CNOT6: variants seen among roughly 807,000 people sequenced by gnomAD.
CNOT6 encodes carbon catabolite repression 4 protein.
CNOT6 carries 12 observed loss-of-function variants against 61.2 expected under a neutral mutation model. That is an observed-to-expected ratio of 0.20 (90% CI 0.13 to 0.32). CNOT6 has a LOEUF of 0.32. CNOT6 is among the 10% of genes least tolerant of loss of function. The probability of loss-of-function intolerance (pLI) is 1.00; values close to 1 mark genes in which losing one functional copy is unlikely to be tolerated. For synonymous variants in CNOT6, 225 were observed against 240.6 expected, an observed-to-expected ratio of 0.94 and a Z score of 0.60; for missense variants, 405 against 663.9, an observed-to-expected ratio of 0.61 and a Z score of 4.28.
chr5:180,568,037 G>A (rs1311385160), intron 9 of CNOT6, 34 bp downstream of exon 9: 17 of 1,558,440 alleles, frequency 1.1e-5, no homozygotes, highest in Non-Finnish European at 1.3e-5. Flanking sequence ...AAATTGACCA[G>A]CTCTGACTAG....
chr5:180,563,090 C>T (rs1427244739), intron 4 of CNOT6, among the ~76,000 whole-genome samples: 4 of 152,204 alleles, frequency 2.6e-5, no homozygotes, highest in South Asian at 2.1e-4. Flanking sequence ...ATGAACTTTG[C>T]CATTTTTCCC....
chr5:180,501,133 G>A (rs1756850815), intron 1 of CNOT6, among the ~76,000 whole-genome samples: 1 of 152,116 alleles, frequency 6.6e-6, no homozygotes, highest in South Asian at 2.1e-4. Context: ...AGGTGGATAT[G>A]GGTGAGCAAG....
rs543134624 is a variant in CNOT6 at position 180,507,315 on chromosome 5, A to G, written c.-3+12552A>G. Reference sequence around the variant, plus strand: ...ATTGAGATGAACAAGATATAGTTTTAGGGGCCCGGTGTGGTGGCTCACGCC... The same window carrying G: ...ATTGAGATGAACAAGATATAGTTTTGGGGGCCCGGTGTGGTGGCTCACGCC... On this transcript the variant is annotated intron_variant, in intron 1 of 11. Coordinates refer to ENST00000261951, the MANE Select transcript of CNOT6 (RefSeq NM_001370472.1). Among the ~76,000 whole-genome samples the G allele has an allele frequency of 3.9e-5, 6 of 152,244 alleles. No individual in the cohort carries two copies. The East Asian group carries it at 1.2e-3, about 29-fold the overall frequency.
chr5:180,530,573 T>A (rs1758304592), intron 2 of CNOT6, among the ~76,000 whole-genome samples: 1 of 151,726 alleles, frequency 6.6e-6, no homozygotes, highest in South Asian at 2.1e-4. Flanking sequence ...TTTTTTTTTT[T>A]TTTTTTAGTT....
chr5:180,498,491 C>T (rs1381650636), intron 1 of CNOT6, among the ~76,000 whole-genome samples: 1 of 152,022 alleles, frequency 6.6e-6, no homozygotes, highest in African/African-American at 2.4e-5. Context: ...GGAGTCATGT[C>T]AAACAGAAGG....
intron 2 of CNOT6, among the ~76,000 whole-genome samples, chr5:180,549,142 C>A (rs1343382390): frequency 1.3e-5 from 2 of 152,160 alleles, no homozygotes; most frequent in African/African-American, 4.8e-5. Context: ...GCAGTTATCA[C>A]TAGGGTACTC....
chr5:180,530,651 G>GAT (rs1319655071), intron 2 of CNOT6, among the ~76,000 whole-genome samples: 4 of 152,008 alleles, frequency 2.6e-5, no homozygotes, highest in African/African-American at 9.7e-5. Context: ...AATAGTGGAG[G>GAT]GAAGGTCAGC....
chr5:180,495,701 G>A (rs1756581568), intron 1 of CNOT6: 1 of 152,168 alleles, frequency 6.6e-6, no homozygotes, highest in Admixed American at 6.5e-5. Context: ...CTTGTATCTG[G>A]GAATTTAACT....
Position 180,571,193 on chromosome 5 carries a change from A to G in CNOT6, c.1259-37A>G, listed in dbSNP as rs189444413. ...ATGATCTTTTAAAATTACTTTTTGT[A>G]TATATTTGACAATAAAAAAATTTGT... is the stretch of plus-strand genomic sequence containing the variant. On this transcript the variant is annotated intron_variant, in intron 10 of 11. Transcript: ENST00000261951. The G allele has an allele frequency of 2.4e-4, 337 of 1,389,710 alleles. 1 individual carries two copies. The African/African-American group carries it at 4.5e-3, about 18-fold the overall frequency. The allele number at this position is 1,389,710 out of a possible 1,614,324, so 86.1% of individuals were successfully genotyped here.
chr5:180,570,121 G>A (rs990887430), intron 10 of CNOT6, among the ~76,000 whole-genome samples: 2 of 152,146 alleles, frequency 1.3e-5, no homozygotes, highest in African/African-American at 4.8e-5. Flanking sequence ...ACTTTGGGGG[G>A]CCCAGGTGGG....
rs1759684805 is a variant in CNOT6 at position 180,552,710 on chromosome 5, T to C, written c.300-676T>C. On this transcript the variant is annotated intron_variant, in intron 3 of 11. Transcript: ENST00000261951. ...ACATTGCCACTGTGTCCGTATTGGG[T>C]CTCTGGTGGTTCTTTCCCCGCGTGT... Among the ~76,000 whole-genome samples the C allele has an allele frequency of 3.9e-5, 6 of 151,910 alleles. No individual in the cohort carries two copies. In the South Asian group the frequency reaches 1.2e-3, roughly 32 times the overall value.
intron 4 of CNOT6, among the ~76,000 whole-genome samples, chr5:180,554,478 T>C (rs1759778357): frequency 6.6e-6 from 1 of 151,336 alleles, no homozygotes; most frequent in Non-Finnish European, 1.5e-5. Context: ...ATATAAAAGG[T>C]TTTAGTCCTG....
At chr5:180,515,941 C>CTG (rs1757617115) in intron 1 of CNOT6, among the ~76,000 whole-genome samples, 1 of 152,072 alleles carries the variant, frequency 6.6e-6, no homozygotes, top group African/African-American at 2.4e-5. Context: ...AGGGTCTCAC[C>CTG]GCGTTACCCA....
chr5:180,556,700 C>T (rs868755948), intron 4 of CNOT6, among the ~76,000 whole-genome samples: 11 of 152,340 alleles, frequency 7.2e-5, no homozygotes, highest in African/African-American at 2.2e-4. Context: ...CGCCTATAAT[C>T]CCAGTACTTT....
intron 2 of CNOT6, chr5:180,534,653 G>A (rs1053035937): frequency 6.6e-6 from 1 of 150,966 alleles, no homozygotes; most frequent in Admixed American, 6.7e-5. Flanking sequence ...GGCATGGGCC[G>A]GAGTCGCTGG....
intron 4 of CNOT6, 92 bp from the exon 5 acceptor site, chr5:180,564,397 G>GT: frequency 1.2e-6 from 1 of 840,492 alleles, no homozygotes; most frequent in Admixed American, 2.1e-5. Context: ...CTATAACATA[G>GT]TTATGGATGA....
chr5:180,511,505 G>A (rs1271223934), intron 1 of CNOT6, among the ~76,000 whole-genome samples: 1 of 152,100 alleles, frequency 6.6e-6, no homozygotes, highest in Admixed American at 6.5e-5. Flanking sequence ...CAGCTACTCG[G>A]GAGGCTGAGA....
At chr5:180,541,469 T>TTTTTTG (rs1759036632) in intron 2 of CNOT6, among the ~76,000 whole-genome samples, 22 of 144,336 alleles carry the variant, frequency 1.5e-4, no homozygotes, top group Non-Finnish European at 2.9e-4. Context: ...TTTTTTTTTT[T>TTTTTTG]GAGACAGAGT....
At chr5:180,499,523 T>A (rs912683585) in intron 1 of CNOT6, among the ~76,000 whole-genome samples, 1 of 152,216 alleles carries the variant, frequency 6.6e-6, no homozygotes, top group Non-Finnish European at 1.5e-5. Context: ...CTCATACAAC[T>A]GTTAATTTAT....
Sources: allele counts gnomAD v4.1 joint callset (sites outside exome capture counted in the v4.1 genomes callset), GRCh38; gene constraint gnomAD v4.1.1; transcripts MANE v1.5; gene names NCBI Gene and HGNC (gene_info 2026-07-23, HGNC 2026-07-21).